Variants in BICRAL observed in about 807,000 individuals in gnomAD.
BICRAL encodes the protein BRD4-interacting chromatin-remodeling complex-associated protein-like.
BICRAL carries 8 observed loss-of-function variants against 91.8 expected under a neutral mutation model. The ratio of observed to expected loss-of-function variants is 0.09; its 90% confidence interval spans 0.05 to 0.16. BICRAL has a LOEUF of 0.16. Ranked by LOEUF, BICRAL falls within the 10% of genes least tolerant of loss-of-function variation. The pLI, the probability that BICRAL is intolerant of heterozygous loss-of-function variation, is 1.00. For missense variants in BICRAL, 1,038 were observed against 1,310.9 expected, an observed-to-expected ratio of 0.79 and a Z score of 3.21; for synonymous variants, 445 against 491.1, an observed-to-expected ratio of 0.91 and a Z score of 1.24.
At chr6:42,826,084 CAG>C (rs1764293342) in intron 5 of BICRAL, among the ~76,000 whole-genome samples, 3 of 151,552 alleles carry the variant, frequency 2.0e-5, no homozygotes, top group East Asian at 3.9e-4. Flanking sequence ...ACTCTTGTCT[CAG>C]GGGAAAAAAG....
chr6:42,786,747 A>G (rs944897866), intron 1 of BICRAL, among the ~76,000 whole-genome samples: 2 of 152,244 alleles, frequency 1.3e-5, no homozygotes, highest in Admixed American at 6.5e-5. Context: ...GACGTGAAAC[A>G]TGAACTTGTG....
intron 9 of BICRAL, 41 bp from the exon 10 acceptor site, chr6:42,857,050 A>G (rs1362308536): frequency 6.5e-7 from 1 of 1,544,158 alleles, no homozygotes; most frequent in Non-Finnish European, 8.9e-7. Context: ...TTAATTTCCT[A>G]ACATGACTTT....
Position 42,829,161 on chromosome 6 carries a change from G to A in BICRAL, c.828G>A (p.Gln276=). The A allele has an allele frequency of 6.2e-7, 1 of 1,614,036 alleles. No homozygotes were observed. ...FGNSSSSPVA[Q]PVTVPFNSTN... ...ACTCTAGTTCCAGTCCAGTAGCACA[G>A]CCTGTTACCGTTCCATTTAACAGCA... is the stretch of plus-strand genomic sequence containing the variant. The change falls in exon 6 of 13, where the codon CAG becomes CAA. Residue 276 remains glutamine (Q), a synonymous_variant. Transcript: ENST00000314073.
chr6:42,825,501 C>T (rs192519794), intron 5 of BICRAL, among the ~76,000 whole-genome samples: 1,903 of 148,544 alleles, frequency 0.013, 32 homozygotes, highest in African/African-American at 0.043. Flanking sequence ...GGAGGTGGAG[C>T]TTGCAGTGAG....
intron 6 of BICRAL, among the ~76,000 whole-genome samples, chr6:42,841,075 TAAAAAAA>T (rs758007416): frequency 2.5e-4 from 21 of 85,306 alleles, no homozygotes; most frequent in African/African-American, 3.4e-4. Context: ...ACTCAATCTT[TAAAAAAA>T]AAAAAAAAAA....
rs1159342197 is a variant in BICRAL at position 42,793,122 on chromosome 6, A to ATTTTTTTTTTTTTTTTTTT, written c.-102+11042_-102+11060dup. 1.3e-4 allele frequency among the ~76,000 whole-genome samples: 5 copies of ATTTTTTTTTTTTTTTTTTT among 37,228 alleles called. 2 individuals are homozygous for ATTTTTTTTTTTTTTTTTTT. The highest frequency in any genetic ancestry group is 3.1e-4 in the Admixed American group (1 of 3,184). The allele number at this position is 37,228 out of a possible 152,430, so 24.4% of individuals were successfully genotyped here. A position where few individuals can be genotyped will look rare whatever the true frequency, so the allele number is the denominator to read the frequency against. ...AAGCGCATGCCACCATGCCCAGCTA[A>ATTTTTTTTTTTTTTTTTTT]TTTTTTTTTTTTTTTTTTTTTTTTT... is the stretch of plus-strand genomic sequence containing the variant. On this transcript the variant is annotated intron_variant, in intron 1 of 12. Coordinates refer to ENST00000314073, the MANE Select transcript of BICRAL (RefSeq NM_001393499.1).
At chr6:42,846,281 T>C (rs2114000659) in intron 6 of BICRAL, among the ~76,000 whole-genome samples, 1 of 151,962 alleles carries the variant, frequency 6.6e-6, no homozygotes, top group Non-Finnish European at 1.5e-5. Context: ...GGCAAGAGAA[T>C]CGCTTGAACC....
At chr6:42,771,726 T>TA (rs1448054792) in intron 1 of BICRAL, among the ~76,000 whole-genome samples, 2 of 152,150 alleles carry the variant, frequency 1.3e-5, no homozygotes, top group African/African-American at 4.8e-5. Context: ...TGGCTGTTTT[T>TA]AAAAATTGCT....
At chr6:42,798,571 C>CAGT (rs1763483375) in intron 1 of BICRAL, among the ~76,000 whole-genome samples, 1 of 152,026 alleles carries the variant, frequency 6.6e-6, no homozygotes, top group South Asian at 2.1e-4. Context: ...TGGCAGGCAC[C>CAGT]AGTAGTCCCA....
At position 42,862,553 on chromosome 6, in the gene BICRAL, T is replaced by C; in HGVS notation, c.2393T>C (p.Phe798Ser). 6.2e-7 allele frequency: 1 copy of C among 1,612,928 alleles called. No individual in the cohort carries two copies. Among genetic ancestry groups the C allele is most frequent in the Non-Finnish European group, 8.5e-7 (1 of 1,178,924 alleles). Reference protein sequence around the residue: ...SAEMVMIDRMFNQEERASLSR... With the variant: ...SAEMVMIDRMSNQEERASLSR... Reference sequence around the variant, plus strand: ...GAGATGGTGATGATCGATAGGATGTTCAACCAGGAGGAAAGAGCTTCCCTG... The same window carrying C: ...GAGATGGTGATGATCGATAGGATGTCCAACCAGGAGGAAAGAGCTTCCCTG... The change falls in exon 12 of 13, where the codon TTC becomes TCC. Residue 798 changes from phenylalanine to serine, a missense_variant. Physicochemically the swap from Phe to Ser is radical, Grantham distance 155 (BLOSUM62 -2). This residue lies in a region of BICRAL where 294 missense variants were observed against 292.6 expected (regional missense o/e 1.00). Coordinates refer to ENST00000314073, the MANE Select transcript of BICRAL (RefSeq NM_001393499.1).
intron 9 of BICRAL, 104 bp from the exon 10 acceptor site, chr6:42,856,987 G>T: frequency 4.2e-6 from 4 of 956,500 alleles, no homozygotes; most frequent in Non-Finnish European, 6.2e-6. Context: ...AAAAACTGCC[G>T]TATTATTCCT....
At chr6:42,856,950 C>A in intron 9 of BICRAL, 141 bp from the exon 10 acceptor site, 1 of 659,750 alleles carries the variant, frequency 1.5e-6, no homozygotes, top group Non-Finnish European at 2.5e-6. Context: ...GTTATAAACC[C>A]ACTATGGTAT....
Position 42,830,067 on chromosome 6 carries a change from A to G in BICRAL, c.1734A>G (p.Pro578=). The G allele has an allele frequency of 6.2e-7, 1 of 1,614,224 alleles. No individual in the cohort carries two copies. Among genetic ancestry groups the G allele is most frequent in the Non-Finnish European group, 8.5e-7 (1 of 1,180,042 alleles). ...AGCTGACCCAGCCAAACAGGACTCC[A>G]GTACCAGTCAGTGTGTCTCATCGTC... ...GDQLTQPNRT[P]VPVSVSHRLP... Residue 578 remains proline (P), a synonymous_variant, in exon 6 of 13, where the codon CCA becomes CCG. Coordinates refer to ENST00000314073, the MANE Select transcript of BICRAL (RefSeq NM_001393499.1).
rs866760229 is a variant in BICRAL, at chr6:42,756,928, C to A, written c.-261+9905C>A. Among the ~76,000 whole-genome samples the A allele has an allele frequency of 2.8e-5, 3 of 106,928 alleles. 1 individual carries two copies. Among genetic ancestry groups the A allele is most frequent in the Non-Finnish European group, 5.6e-5 (3 of 53,244 alleles). 70.1% of individuals were successfully genotyped at this position (106,928 alleles called of 152,430 possible). On this transcript the variant is annotated intron_variant, in intron 1 of 14. Coordinates refer to the BICRAL transcript ENST00000614467. ...TCTCTCTCTCTCCCTCTCCCCCCCC[C>A]CCACCCTCCCTCTCTCCCTCTCTCT...
intron 1 of BICRAL, among the ~76,000 whole-genome samples, chr6:42,787,573 G>T (rs552046991): frequency 2.0e-5 from 3 of 152,186 alleles, no homozygotes; most frequent in African/African-American, 7.2e-5. Context: ...AACGGCTAAA[G>T]CTTGGGCAAA....
intron 11 of BICRAL, among the ~76,000 whole-genome samples, chr6:42,861,592 T>C (rs547344824): frequency 6.6e-6 from 1 of 152,328 alleles, no homozygotes; most frequent in South Asian, 2.1e-4. Flanking sequence ...TGATATCAAC[T>C]TTGAAAATGT....
chr6:42,819,818 C>T (rs1764090405), intron 2 of BICRAL, among the ~76,000 whole-genome samples: 1 of 152,048 alleles, frequency 6.6e-6, no homozygotes, highest in African/African-American at 2.4e-5. Context: ...TCTCAGGGTG[C>T]CCCTGACTGT....
intron 1 of BICRAL, among the ~76,000 whole-genome samples, chr6:42,747,805 GTT>G (rs56209754): frequency 4.0e-4 from 50 of 125,284 alleles, no homozygotes; most frequent in South Asian, 7.9e-4. Context: ...GTTTTATTTT[GTT>G]TTTTTTTTTT....
chr6:42,797,906 G>A (rs1763458649), intron 1 of BICRAL, among the ~76,000 whole-genome samples: 1 of 152,066 alleles, frequency 6.6e-6, no homozygotes, highest in African/African-American at 2.4e-5. Context: ...AGCCTGGGAG[G>A]CAGAGGTTTC....
Sources: gnomAD v4.1 joint callset for allele counts (sites outside exome capture counted in the v4.1 genomes callset) on GRCh38, gnomAD v4.1.1 for gene constraint, gnomAD v4.1.1 regional missense constraint, MANE v1.5 for transcripts, NCBI Gene and HGNC (gene_info 2026-07-23, HGNC 2026-07-21) for gene names.